The following MKRN2OS variants were observed in gnomAD, a reference collection of about 807,000 sequenced individuals.
MKRN2OS encodes MKRN2 opposite strand, also known as MKRN2 opposite strand protein.
MKRN2OS carries 17 observed loss-of-function variants against 18.2 expected under a neutral mutation model. The observed-to-expected ratio is 0.93, with a 90% CI of 0.64 to 1.40. The LOEUF (loss-of-function observed/expected upper bound fraction) is 1.40. Among genes scored for constraint, MKRN2OS ranks in the 40% most tolerant of loss-of-function variants. The probability of loss-of-function intolerance (pLI) is 0.00; values close to 1 mark genes in which losing one functional copy is unlikely to be tolerated. For missense variants in MKRN2OS, 337 were observed against 283.0 expected (o/e 1.19, Z -1.37); for synonymous variants, 121 against 108.5 (o/e 1.12, Z -0.72).
At chr3:12,543,905 A>T (rs1212489014) in intron 1 of MKRN2OS, among the ~76,000 whole-genome samples, 25 of 152,150 alleles carry the variant, frequency 1.6e-4, no homozygotes, top group Admixed American at 1.6e-3. Context: ...AAAAAAAAAA[A>T]AAAATAACAG....
At chr3:12,548,180 G>A (rs148798655), upstream of MKRN2OS, among the ~76,000 whole-genome samples, 737 of 152,238 alleles carry the variant, frequency 4.8e-3, 16 homozygotes, top group Admixed American at 0.04. Context: ...CGGGCGCGGT[G>A]GCTCACGCCT....
At chr3:12,540,877 C>CAAAAAAAA (rs11369647) in intron 3 of MKRN2OS, among the ~76,000 whole-genome samples, 2 of 59,676 alleles carry the variant, frequency 3.4e-5, no homozygotes, top group African/African-American at 6.7e-5. Context: ...GACTCCATCT[C>CAAAAAAAA]AAAAAAAAAA....
chr3:12,549,036 G>C (rs1000090405), upstream of MKRN2OS, among the ~76,000 whole-genome samples: 1 of 152,148 alleles, frequency 6.6e-6, no homozygotes, highest in Non-Finnish European at 1.5e-5. Flanking sequence ...CCAGGTTGAA[G>C]CGATCCCTTT....
At chr3:12,551,787 C>G (rs893658854), downstream of MKRN2OS, among the ~76,000 whole-genome samples, 1 of 150,042 alleles carries the variant, frequency 6.7e-6, no homozygotes, top group Non-Finnish European at 1.5e-5. Flanking sequence ...AATACAAAAA[C>G]ACAAAAATTA....
rs1343605850 is a variant in MKRN2OS at position 12,542,013 on chromosome 3, T to A, written c.278A>T (p.Tyr93Phe). 6.5e-7 allele frequency: 1 copy of A among 1,534,774 alleles called. No individual in the cohort carries two copies. Among genetic ancestry groups the A allele is most frequent in the African/African-American group, 1.4e-5 (1 of 73,130 alleles). The change falls in exon 3 of 4, where the codon TAT (tyrosine) becomes TTT (phenylalanine). Residue 93 changes from tyrosine to phenylalanine, a missense_variant. Coordinates refer to ENST00000564146, the MANE Select transcript of MKRN2OS (RefSeq NM_001195279.2). ...VGITNTNGVV[Y>F]NYSAHGVQRD... ...CTGGACACCATGTGCACTGTAATTATACACAACCCCTGCAAATCAAAACCA... is the reference window on the plus strand; with the variant it reads ...CTGGACACCATGTGCACTGTAATTAAACACAACCCCTGCAAATCAAAACCA...
chr3:12,550,166 A>G (rs1189493122), upstream of MKRN2OS, among the ~76,000 whole-genome samples: 1 of 152,222 alleles, frequency 6.6e-6, no homozygotes, highest in Non-Finnish European at 1.5e-5. Context: ...CTTCATTCAT[A>G]ATTGCTAATA....
chr3:12,543,109 C>G, intron 2 of MKRN2OS, 71 bp downstream of exon 2: 1 of 1,293,334 alleles, frequency 7.7e-7, no homozygotes, highest in Non-Finnish European at 1.1e-6. Flanking sequence ...TTGCCATAAT[C>G]AAATCTCCAC....
At position 12,540,071 on chromosome 3, in the gene MKRN2OS, C is replaced by T. The variant is rs1488153602; in HGVS notation, c.*122G>A. ...AAGTGCTGGGATTACAGGTGTGAGC[C>T]ACCATGCCCGGCCCATACACGCTTT... On this transcript the variant is annotated 3_prime_UTR_variant, in exon 4 of 4. Transcript: ENST00000564146. The T allele has an allele frequency of 2.9e-5, 40 of 1,390,602 alleles. No homozygotes were observed. The South Asian group carries it at 5.2e-4, about 18-fold the overall frequency. 86.1% of individuals were successfully genotyped at this position (1,390,602 alleles called of 1,614,324 possible). A position where few individuals can be genotyped will look rare whatever the true frequency, so the allele number is the denominator to read the frequency against.
chr3:12,543,272 T>C, intron 1 of MKRN2OS, 43 bp from the exon 2 acceptor site: 1 of 1,494,604 alleles, frequency 6.7e-7, no homozygotes, highest in Non-Finnish European at 9.0e-7. Context: ...TGCATGTATT[T>C]GGCATGAAGA....
chr3:12,547,820 A>G (rs1404642258), upstream of MKRN2OS, among the ~76,000 whole-genome samples: 1 of 152,188 alleles, frequency 6.6e-6, no homozygotes, highest in Admixed American at 6.5e-5. Flanking sequence ...CATTTAAATA[A>G]ATTACAGTAT....
At chr3:12,557,910 T>C (rs1465853431) in intron 1 of MKRN2OS, among the ~76,000 whole-genome samples, 1 of 152,232 alleles carries the variant, frequency 6.6e-6, no homozygotes, top group Non-Finnish European at 1.5e-5. Context: ...AATAGCCAGA[T>C]AGCTACACTA....
At chr3:12,541,280 A>G (rs139771883) in intron 3 of MKRN2OS, among the ~76,000 whole-genome samples, 3,945 of 151,988 alleles carry the variant, frequency 0.026, 172 homozygotes, top group African/African-American at 0.089. Flanking sequence ...CTGGAGTGCA[A>G]TCGTGTGATT....
intron 1 of MKRN2OS, among the ~76,000 whole-genome samples, chr3:12,557,364 G>A (rs1017659312): frequency 2.6e-5 from 4 of 152,254 alleles, no homozygotes; most frequent in Non-Finnish European, 4.4e-5. Flanking sequence ...GGGGATGCGT[G>A]GCCGAGACGC....
intron 3 of MKRN2OS, among the ~76,000 whole-genome samples, chr3:12,540,854 AC>A (rs1379200825): frequency 2.1e-5 from 3 of 143,184 alleles, no homozygotes; most frequent in African/African-American, 8.0e-5. Context: ...AGCCTGGGTG[AC>A]AGAGTGAGTA....
At chr3:12,557,143 C>A (rs1260365926) in intron 1 of MKRN2OS, 6 of 1,522,700 alleles carry the variant, frequency 3.9e-6, no homozygotes, top group Admixed American at 2.1e-5. Flanking sequence ...TCCCTCAGCC[C>A]AGCCACCATG....
upstream of MKRN2OS, among the ~76,000 whole-genome samples, chr3:12,547,202 C>T (rs2057892583): frequency 6.6e-6 from 1 of 152,178 alleles, no homozygotes; most frequent in African/African-American, 2.4e-5. Flanking sequence ...TTTCCACCCA[C>T]CATATTCTAC....
At chr3:12,542,260 T>A (rs1404196632) in intron 2 of MKRN2OS, among the ~76,000 whole-genome samples, 1 of 152,154 alleles carries the variant, frequency 6.6e-6, no homozygotes, top group African/African-American at 2.4e-5. Flanking sequence ...CAGTTCTAGC[T>A]CTACCTGCTG....
At chr3:12,546,120 G>A (rs767418604), upstream of MKRN2OS, among the ~76,000 whole-genome samples, 2 of 152,074 alleles carry the variant, frequency 1.3e-5, no homozygotes, top group African/African-American at 2.4e-5. Flanking sequence ...ATTTAGTTTT[G>A]TTTCTCCCGT....
Position 12,545,232 on chromosome 3 carries a change from T to TA in MKRN2OS, c.218+14dup, listed in dbSNP as rs1181840719. The TA allele has an allele frequency of 1.3e-6, 2 of 1,517,402 alleles. No homozygotes were observed. The highest frequency in any genetic ancestry group is 1.4e-5 in the African/African-American group (1 of 72,492). 94.0% of individuals were successfully genotyped at this position (1,517,402 alleles called of 1,614,324 possible). On this transcript the variant is annotated intron_variant, in intron 1 of 3. Coordinates refer to ENST00000564146, the MANE Select transcript of MKRN2OS (RefSeq NM_001195279.2). ...GTTTGCACAATGCAATTTAACACTGTAAAAAACACTGTACCTAAGAAATGT... is the reference window on the plus strand; with the variant it reads ...GTTTGCACAATGCAATTTAACACTGTAAAAAAACACTGTACCTAAGAAATGT...
Sources: gnomAD v4.1 joint callset for allele counts (sites outside exome capture counted in the v4.1 genomes callset) on GRCh38, gnomAD v4.1.1 for gene constraint, MANE v1.5 for transcripts, NCBI Gene and HGNC (gene_info 2026-07-23, HGNC 2026-07-21) for gene names.